The following TRRAP variants were observed in gnomAD, a reference collection of about 807,000 sequenced individuals.
The protein encoded by TRRAP is transformation/transcription domain associated protein.
TRRAP carries 41 observed loss-of-function variants against 438.8 expected under a neutral mutation model. The ratio of observed to expected loss-of-function variants is 0.09; its 90% confidence interval spans 0.07 to 0.12. TRRAP has a LOEUF of 0.12. Among genes scored for constraint, TRRAP ranks in the 10% least tolerant of loss-of-function variants. The pLI is 1.00. For synonymous variants in TRRAP, 1,994 were observed against 1,962.9 expected, an observed-to-expected ratio of 1.02 and a Z score of -0.42; for missense variants, 3,122 against 5,055.1, an observed-to-expected ratio of 0.62 and a Z score of 11.60.
At chr7:98,929,579 C>G (rs1371225986) in intron 23 of TRRAP, among the ~76,000 whole-genome samples, 3 of 151,392 alleles carry the variant, frequency 2.0e-5, no homozygotes, top group Non-Finnish European at 4.4e-5. Context: ...TCAGTGGTGG[C>G]TTTTTATGGA....
At chr7:98,924,483 T>G (rs1329444435) in intron 21 of TRRAP, among the ~76,000 whole-genome samples, 3 of 151,994 alleles carry the variant, frequency 2.0e-5, no homozygotes, top group Non-Finnish European at 2.9e-5. Context: ...TCTGGGTGAT[T>G]GAGACCATCC....
At chr7:98,958,545 C>T (rs1270542833) in intron 44 of TRRAP, among the ~76,000 whole-genome samples, 1 of 152,162 alleles carries the variant, frequency 6.6e-6, no homozygotes, top group Non-Finnish European at 1.5e-5. Flanking sequence ...AGTGATCCAC[C>T]CACCTTGGCC....
In TRRAP at chr7:98,953,031, TTGTGTG is replaced by T. The variant is rs57047314; in HGVS notation, c.5464-92_5464-87del. 19,659 of 1,160,976 alleles carry T rather than the reference TTGTGTG, an allele frequency of 0.017. 1,403 individuals carry two copies. In the African/African-American group the frequency reaches 0.23, roughly 13 times the overall value. 71.9% of individuals were successfully genotyped at this position (1,160,976 alleles called of 1,614,324 possible). The stretch of plus-strand genomic sequence containing the variant: ...CCTCCTTGTAAAACTTCATGTTACA[TTGTGTG>T]TGTGTGTGTGTGTGTGTGTGTGTGT... On this transcript the variant is annotated intron_variant, in intron 39 of 72. Transcript: ENST00000456197.
At chr7:98,992,607 C>T (rs1248483470) in intron 65 of TRRAP, among the ~76,000 whole-genome samples, 1 of 151,418 alleles carries the variant, frequency 6.6e-6, no homozygotes, top group Non-Finnish European at 1.5e-5. Context: ...TGAGGAGTAT[C>T]TTCAGCTGTG....
intron 17 of TRRAP, 93 bp downstream of exon 17, chr7:98,911,364 A>G (rs1325427656): frequency 7.8e-6 from 10 of 1,284,868 alleles, no homozygotes; most frequent in Non-Finnish European, 1.0e-5. Context: ...TTTTAAAAAT[A>G]ATGTAGCCAA....
rs987529138 is a variant in TRRAP, at chr7:98,989,289, C to T, written c.9591+323C>T. Among the ~76,000 whole-genome samples the T allele has an allele frequency of 3.5e-4, 53 of 152,198 alleles. 1 individual carries two copies. Among genetic ancestry groups the T allele is most frequent in the Admixed American group, 3.4e-3 (52 of 15,288 alleles). ...AGCTAGAACTTCCCTCCTAGACGCC[C>T]GTTAGGTTGTCATCCCTCCCCTGCA... On this transcript the variant is annotated intron_variant, in intron 63 of 72. Coordinates refer to ENST00000456197, the MANE Select transcript of TRRAP (RefSeq NM_001375524.1).
intron 67 of TRRAP, among the ~76,000 whole-genome samples, chr7:98,996,673 T>G (rs1023026297): frequency 3.3e-5 from 5 of 152,232 alleles, no homozygotes; most frequent in African/African-American, 9.6e-5. Flanking sequence ...CAAAATGTCC[T>G]GAATGGAAGT....
At position 98,978,122 on chromosome 7, in the gene TRRAP, A is replaced by C. The variant is rs191100106; in HGVS notation, c.8386-89A>C. 5 of 1,231,960 alleles carry C rather than the reference A, an allele frequency of 4.1e-6. No individual in the cohort carries two copies. The African/African-American group carries it at 7.6e-5, about 19-fold the overall frequency. 76.3% of individuals were successfully genotyped at this position (1,231,960 alleles called of 1,614,324 possible). A position where few individuals can be genotyped will look rare whatever the true frequency, so the allele number is the denominator to read the frequency against. On this transcript the variant is annotated intron_variant, in intron 56 of 72. Transcript: ENST00000456197. ...GGCAACATAGCAAAACCTCATCTCA[A>C]AAAACTTAGTTCTAAGTTTTAAATT...
intron 11 of TRRAP, among the ~76,000 whole-genome samples, chr7:98,900,996 T>A (rs1796444391): frequency 6.6e-6 from 1 of 152,274 alleles, no homozygotes; most frequent in Non-Finnish European, 1.5e-5. Context: ...AAATGTCCAG[T>A]GTCTAGTCTC....
rs1265301368 is a variant in TRRAP, at chr7:99,008,360, T to C, written c.10754-17T>C. 2 of 1,612,210 alleles carry C rather than the reference T, an allele frequency of 1.2e-6. No homozygotes were observed. Among genetic ancestry groups the C allele is most frequent in the Non-Finnish European group, 1.7e-6 (2 of 1,178,906 alleles). ...GGTCACCCTCAGCCTGCCCCGTTTC[T>C]CTTCCTCTCTCCCCAGTGCCCCGGG... On this transcript the variant is annotated splice_polypyrimidine_tract_variant and intron_variant, in intron 69 of 72. Transcript: ENST00000456197.
At chr7:98,894,783 G>GTTT (rs56407045) in intron 6 of TRRAP, among the ~76,000 whole-genome samples, 16 of 87,426 alleles carry the variant, frequency 1.8e-4, no homozygotes, top group African/African-American at 7.5e-4. Context: ...CCAGCTAATG[G>GTTT]TTTTTTTTTT....
At chr7:98,910,030 C>G in intron 14 of TRRAP, 26 bp from the exon 15 acceptor site, 2 of 1,532,712 alleles carry the variant, frequency 1.3e-6, no homozygotes, top group South Asian at 2.6e-5. Flanking sequence ...ATTCTGTCTT[C>G]CCTCTTGAAT....
intron 21 of TRRAP, among the ~76,000 whole-genome samples, chr7:98,924,156 C>G (rs1789929034): frequency 6.6e-6 from 1 of 152,170 alleles, no homozygotes; most frequent in Non-Finnish European, 1.5e-5. Context: ...CTGGTTTAAC[C>G]CAGCAAATCT....
intron 8 of TRRAP, among the ~76,000 whole-genome samples, chr7:98,898,765 G>T (rs1018229245): frequency 1.3e-5 from 2 of 152,088 alleles, no homozygotes; most frequent in Admixed American, 1.3e-4. Flanking sequence ...TGAGTAAATT[G>T]TACTTTGTGC....
Position 98,910,148 on chromosome 7 carries a change from A to G in TRRAP, c.1443A>G (p.Glu481=). The G allele has an allele frequency of 6.2e-7, 1 of 1,612,580 alleles. No homozygotes were observed. The highest frequency in any genetic ancestry group is 8.5e-7 in the Non-Finnish European group (1 of 1,179,364). The change falls in exon 15 of 73, where the codon GAA becomes GAG. Residue 481 remains glutamate, a synonymous_variant. Coordinates refer to ENST00000456197, the MANE Select transcript of TRRAP (RefSeq NM_001375524.1). ...CKPQSELGAV[E]AALPGVPTAP... is the part of the protein sequence containing the mutation. ...CTCAGTCAGAACTTGGAGCCGTGGA[A>G]GCAGCTCTGCCTGGGGTGCCCACTG...
intron 27 of TRRAP, among the ~76,000 whole-genome samples, chr7:98,934,476 A>G (rs1474918519): frequency 1.3e-5 from 2 of 152,224 alleles, no homozygotes; most frequent in Non-Finnish European, 2.9e-5. Flanking sequence ...TGGCTGATCT[A>G]GAGACAGATG....
chr7:98,953,719 G>A (rs1476489530), intron 40 of TRRAP, among the ~76,000 whole-genome samples: 1 of 152,216 alleles, frequency 6.6e-6, no homozygotes, highest in African/African-American at 2.4e-5. Context: ...CGGAGATGAT[G>A]GGGCTCATGG....
Position 98,955,335 on chromosome 7 carries a change from G to A in TRRAP, c.5937+31G>A, listed in dbSNP as rs78644495. 3,193 of 1,577,622 alleles carry A rather than the reference G, an allele frequency of 2.0e-3. 89 individuals are homozygous for A. The East Asian group carries it at 0.058, about 29-fold the overall frequency. ...TAGGAGGGACGGTGGGCTGCGGGGCGCGCGTCTTCAGGCATTCACTTTGAA... is the reference window on the plus strand; with the variant it reads ...TAGGAGGGACGGTGGGCTGCGGGGCACGCGTCTTCAGGCATTCACTTTGAA... On this transcript the variant is annotated intron_variant, in intron 41 of 72. Coordinates refer to ENST00000456197, the MANE Select transcript of TRRAP (RefSeq NM_001375524.1).
At position 98,915,740 on chromosome 7, in the gene TRRAP, T is replaced by G; in HGVS notation, c.2217T>G (p.Ile739Met). ...EQMLKPHLHKIVNSSMELAQT... is the reference protein window; with the variant it reads ...EQMLKPHLHKMVNSSMELAQT... ...CCCCGCAGCCTCACTTGCACAAGAT[T>G]GTGAACAGCTCTATGGAGCTCGCGC... The change falls in exon 19 of 73, where the codon ATT becomes ATG. Residue 739 changes from isoleucine to methionine, a missense_variant. Ile to Met is a conservative substitution (Grantham distance 10). This residue lies in a region of TRRAP where 149 missense variants were observed against 302.8 expected (regional missense o/e 0.49). Transcript: ENST00000456197. 3.7e-6 allele frequency: 6 copies of G among 1,613,976 alleles called. No homozygotes were observed. Among genetic ancestry groups the G allele is most frequent in the Non-Finnish European group, 5.1e-6 (6 of 1,179,884 alleles).
Sources: gnomAD v4.1 joint callset for allele counts (sites outside exome capture counted in the v4.1 genomes callset) on GRCh38, gnomAD v4.1.1 for gene constraint, gnomAD v4.1.1 regional missense constraint, MANE v1.5 for transcripts, NCBI Gene and HGNC (gene_info 2026-07-23, HGNC 2026-07-21) for gene names.